Variants in PTCRA observed in about 807,000 individuals in gnomAD.
PTCRA encodes the protein pre T cell antigen receptor alpha.
PTCRA carries 9 observed loss-of-function variants against 13.4 expected under a neutral mutation model. The observed-to-expected ratio is 0.67, with a 90% CI of 0.41 to 1.18. PTCRA has a LOEUF of 1.18. Among genes scored for constraint, PTCRA ranks in the 50% most tolerant of loss-of-function variants. The pLI is 0.01. For synonymous variants in PTCRA, 153 were observed against 161.9 expected, an observed-to-expected ratio of 0.94 and a Z score of 0.42; for missense variants, 353 against 359.8, an observed-to-expected ratio of 0.98 and a Z score of 0.15.
In PTCRA at chr6:42,924,221, G is replaced by A; in HGVS notation, c.380-8G>A. 6.2e-7 allele frequency: 1 copy of A among 1,607,084 alleles called. No homozygotes were observed. The highest frequency in any genetic ancestry group is 1.1e-5 in the South Asian group (1 of 90,648). On this transcript the variant is annotated splice_region_variant and splice_polypyrimidine_tract_variant and intron_variant, in intron 2 of 3. Transcript: ENST00000304672. ...CCAAAGACTCATTCGCTTCTCCCTG[G>A]ACAACAGGAGAGGCTTCTACAGCCA...
In PTCRA at chr6:42,925,284, C is replaced by G; in HGVS notation, c.448C>G (p.Leu150Val). Residue 150 changes from leucine to valine, a missense_variant, in exon 4 of 4, where the codon CTG (leucine) becomes GTG (valine). By Grantham distance (32) the Leu-to-Val change is conservative. Coordinates refer to ENST00000304672, the MANE Select transcript of PTCRA (RefSeq NM_138296.3). This position sits in a 1 kb window ranked among gnomAD's most constrained non-coding sequence, Gnocchi z 4.4. ...LRGTPGGALW[L>V]GVLRLLLFKL... ...AGGGACACCGGGTGGGGCGCTGTGGCTGGGGGTCCTGCGGCTGCTGCTCTT... is the reference window on the plus strand; with the variant it reads ...AGGGACACCGGGTGGGGCGCTGTGGGTGGGGGTCCTGCGGCTGCTGCTCTT... 1 of 1,590,460 alleles carries G rather than the reference C, an allele frequency of 6.3e-7. No individual in the cohort carries two copies.
intron 3 of PTCRA, 52 bp downstream of exon 3, chr6:42,924,325 G>C (rs750489584): frequency 2.1e-5 from 32 of 1,544,074 alleles, no homozygotes; most frequent in Admixed American, 1.9e-4. Context: ...CCAGGACCTT[G>C]GGCCCGGGGG....
intron 1 of PTCRA, among the ~76,000 whole-genome samples, chr6:42,917,190 A>ATATTATTATTATTATTAT (rs60630405): frequency 1.4e-5 from 2 of 141,090 alleles, no homozygotes; most frequent in East Asian, 2.0e-4. Flanking sequence ...TAACAGCATT[A>ATATTATTATTATTATTAT]TATTATTATT....
intron 1 of PTCRA, among the ~76,000 whole-genome samples, chr6:42,916,427 G>C (rs1046092869): frequency 1.3e-5 from 2 of 152,198 alleles, no homozygotes; most frequent in African/African-American, 2.4e-5. Flanking sequence ...TAGAGGTATA[G>C]AGAAATGAGA....
At chr6:42,917,972 T>C (rs1465882938) in intron 1 of PTCRA, among the ~76,000 whole-genome samples, 1 of 151,810 alleles carries the variant, frequency 6.6e-6, no homozygotes, top group African/African-American at 2.4e-5. Flanking sequence ...AGTCAGAAAA[T>C]TGGCTGGGCG....
At chr6:42,917,698 C>T (rs1766946374) in intron 1 of PTCRA, among the ~76,000 whole-genome samples, 1 of 150,830 alleles carries the variant, frequency 6.6e-6, no homozygotes, top group South Asian at 2.1e-4. Context: ...TACAGCCGCC[C>T]ACCATCATGC....
chr6:42,922,897 G>GA, intron 1 of PTCRA, 130 bp from the exon 2 acceptor site: 1 of 820,152 alleles, frequency 1.2e-6, no homozygotes, highest in Non-Finnish European at 1.9e-6. Flanking sequence ...TGGCTAGAAG[G>GA]ACATGTAGAT....
At chr6:42,916,350 C>T (rs1766877339) in intron 1 of PTCRA, among the ~76,000 whole-genome samples, 1 of 152,008 alleles carries the variant, frequency 6.6e-6, no homozygotes, top group Non-Finnish European at 1.5e-5. Flanking sequence ...TCCCAGCCAC[C>T]TTGCTCTGGG....
chr6:42,923,063 C>T lies in PTCRA; in HGVS notation c.95C>T (p.Pro32Leu). The T allele has an allele frequency of 6.2e-7, 1 of 1,614,258 alleles. No individual in the cohort carries two copies. Among genetic ancestry groups the T allele is most frequent in the Non-Finnish European group, 8.5e-7 (1 of 1,180,052 alleles). Residue 32 changes from proline (P) to leucine (L), a missense_variant, in exon 2 of 4, where the codon CCA becomes CTA. Physicochemically the swap from Pro to Leu is moderately conservative, Grantham distance 98. Coordinates refer to ENST00000304672, the MANE Select transcript of PTCRA (RefSeq NM_138296.3). ...ACACCCTTTCCTTCTCTGGCCCCAC[C>T]AATCATGCTGCTGGTGGATGGAAAG... Reference protein sequence around the residue: ...GGTPFPSLAPPIMLLVDGKQQ... With the variant: ...GGTPFPSLAPLIMLLVDGKQQ...
intron 3 of PTCRA, among the ~76,000 whole-genome samples, chr6:42,924,597 G>A (rs575298764): frequency 6.6e-6 from 1 of 152,284 alleles, no homozygotes; most frequent in African/African-American, 2.4e-5. Flanking sequence ...GTGTAAATGG[G>A]AGGCTGTCTG....
chr6:42,919,743 G>A (rs1200065802), intron 1 of PTCRA, among the ~76,000 whole-genome samples: 1 of 492 alleles, frequency 2.0e-3, no homozygotes, highest in Non-Finnish European at 3.4e-3. Flanking sequence ...AAATTACAAT[G>A]TTCAAAAATA....
intron 1 of PTCRA, chr6:42,922,247 G>T: frequency 1.4e-6 from 1 of 702,610 alleles, no homozygotes; most frequent in Non-Finnish European, 2.6e-6. Flanking sequence ...CTCACCAGAG[G>T]CTGCCACAAC....
chr6:42,919,090 C>T (rs1452372436), intron 1 of PTCRA, among the ~76,000 whole-genome samples: 1 of 149,306 alleles, frequency 6.7e-6, no homozygotes, highest in Non-Finnish European at 1.5e-5. Flanking sequence ...TGTCGCCAGG[C>T]TGGAGTGCAA....
chr6:42,925,244 G>T lies in PTCRA; in HGVS notation c.425-17G>T. On this transcript the variant is annotated splice_polypyrimidine_tract_variant and intron_variant, in intron 3 of 3. Transcript: ENST00000304672. The surrounding 1 kb of genome is among the most constrained non-coding windows in gnomAD (Gnocchi z 4.4). ...GCTGCGGGCTCCTGCGGGCTCCTGA[G>T]CGGTTCCTCCTCGCAGGGACACCGG... 6.3e-7 allele frequency: 1 copy of T among 1,578,716 alleles called. No homozygotes were observed. Among genetic ancestry groups the T allele is most frequent in the East Asian group, 2.3e-5 (1 of 44,060 alleles).
intron 1 of PTCRA, chr6:42,922,100 A>G (rs571689075): frequency 1.3e-4 from 79 of 620,772 alleles, no homozygotes; most frequent in Admixed American, 3.9e-4. Context: ...AAAAATACCC[A>G]AGCACACTCC....
At position 42,923,145 on chromosome 6, in the gene PTCRA, C is replaced by T. The variant is rs372102699; in HGVS notation, c.177C>T (p.Ser59=). The T allele has an allele frequency of 2.5e-6, 4 of 1,614,244 alleles. No individual in the cohort carries two copies. Among genetic ancestry groups the T allele is most frequent in the East Asian group, 4.5e-5 (2 of 44,892 alleles). Residue 59 remains serine (S), a synonymous_variant, in exon 2 of 4, where the codon AGC becomes AGT. Transcript: ENST00000304672. The part of the protein sequence containing the change: ...VLDVAPPGLD[S]PIWFSAGNGS... ...ATGTTGCACCCCCTGGCCTTGACAGCCCCATCTGGTTCTCAGCCGGCAATG... is the reference window on the plus strand; with the variant it reads ...ATGTTGCACCCCCTGGCCTTGACAGTCCCATCTGGTTCTCAGCCGGCAATG...
intron 1 of PTCRA, among the ~76,000 whole-genome samples, chr6:42,917,674 CAA>C (rs1316912753): frequency 1.3e-5 from 2 of 150,942 alleles, no homozygotes; most frequent in Non-Finnish European, 2.9e-5. Flanking sequence ...CTCAGCTTCC[CAA>C]GTAGCTGGGA....
rs767210145 is a variant in PTCRA at position 42,924,250 on chromosome 6, C to G, written c.401C>G (p.Thr134Ser). ...ACAGGAGAGGCTTCTACAGCCAGGA[C>G]CTGCCCCCAGGAGCCTCTCAGGGGT... ...HLSGEASTARTCPQEPLRGTP... is the reference protein window; with the variant it reads ...HLSGEASTARSCPQEPLRGTP... Residue 134 changes from threonine to serine, a missense_variant, in exon 3 of 4, where the codon ACC becomes AGC. By Grantham distance (58) the Thr-to-Ser change is moderately conservative (BLOSUM62 1). Coordinates refer to ENST00000304672, the MANE Select transcript of PTCRA (RefSeq NM_138296.3). The G allele has an allele frequency of 1.9e-6, 3 of 1,611,898 alleles. No individual in the cohort carries two copies. The highest frequency in any genetic ancestry group is 2.5e-6 in the Non-Finnish European group (3 of 1,179,330).
intron 1 of PTCRA, among the ~76,000 whole-genome samples, chr6:42,920,511 G>A (rs1224648245): frequency 2.0e-5 from 3 of 150,364 alleles, no homozygotes; most frequent in Non-Finnish European, 3.0e-5. Context: ...TGCGAGCTCC[G>A]CCTCCCGGGT....
Sources: gnomAD v4.1 joint callset for allele counts (sites outside exome capture counted in the v4.1 genomes callset) on GRCh38, gnomAD v4.1.1 for gene constraint, Gnocchi (gnomAD v3.1) non-coding constraint, MANE v1.5 for transcripts, NCBI Gene and HGNC (gene_info 2026-07-23, HGNC 2026-07-21) for gene names.